Variants in GLT1D1 observed in about 807,000 individuals in gnomAD.
GLT1D1 encodes the protein glycosyltransferase 1 domain containing 1.
A neutral mutation model predicts 28.7 loss-of-function variants in GLT1D1; 21 were observed. The ratio of observed to expected loss-of-function variants is 0.73; its 90% CI spans 0.52 to 1.05. The LOEUF is 1.05. Among genes scored for constraint, GLT1D1 ranks in the 50% least tolerant of loss-of-function variants. The pLI is 0.00. For missense variants in GLT1D1, 343 were observed against 330.6 expected, an observed-to-expected ratio of 1.04 and a Z score of -0.29; for synonymous variants, 147 against 124.8, an observed-to-expected ratio of 1.18 and a Z score of -1.19.
chr12:128,881,403 G>T (rs1212678801), intron 2 of GLT1D1, among the ~76,000 whole-genome samples: 1 of 147,490 alleles, frequency 6.8e-6, no homozygotes, highest in Non-Finnish European at 1.5e-5. Flanking sequence ...CCATGGTGGC[G>T]AGTGCCTGTA....
At chr12:128,979,040 T>C (rs537684238) in intron 7 of GLT1D1, among the ~76,000 whole-genome samples, 21 of 152,326 alleles carry the variant, frequency 1.4e-4, no homozygotes, top group Admixed American at 8.5e-4. Context: ...TATCTCATCC[T>C]GTGACTTAGA....
chr12:128,949,758 A>G (rs1488447417), intron 6 of GLT1D1, among the ~76,000 whole-genome samples: 2 of 151,858 alleles, frequency 1.3e-5, no homozygotes, highest in Non-Finnish European at 2.9e-5. Context: ...ACACACACGC[A>G]CACACACAGG....
chr12:128,967,220 A>G (rs536144), intron 7 of GLT1D1, among the ~76,000 whole-genome samples: 8,832 of 152,292 alleles, frequency 0.058, 842 homozygotes, highest in African/African-American at 0.2. Flanking sequence ...GGCTCTGGCC[A>G]TAGTGTTCTA....
chr12:128,931,917 G>GCACGCGCGCA (rs1368012620), intron 4 of GLT1D1, among the ~76,000 whole-genome samples: 3 of 141,002 alleles, frequency 2.1e-5, no homozygotes, highest in African/African-American at 2.6e-5. Context: ...ACACACGCAC[G>GCACGCGCGCA]CACACACACA....
At chr12:128,908,671 C>T (rs910272019) in intron 4 of GLT1D1, among the ~76,000 whole-genome samples, 22 of 151,818 alleles carry the variant, frequency 1.4e-4, no homozygotes, top group African/African-American at 4.8e-4. Context: ...CACGACAGGC[C>T]GGGCGCGGTG....
At chr12:128,930,042 A>T (rs1320523771) in intron 4 of GLT1D1, among the ~76,000 whole-genome samples, 1 of 152,204 alleles carries the variant, frequency 6.6e-6, no homozygotes, top group Non-Finnish European at 1.5e-5. Context: ...TACCATATGG[A>T]AGATAAATTA....
At chr12:128,924,359 G>A (rs1349015612) in intron 4 of GLT1D1, among the ~76,000 whole-genome samples, 5 of 151,522 alleles carry the variant, frequency 3.3e-5, no homozygotes, top group Non-Finnish European at 7.4e-5. Flanking sequence ...CCGGGGAGGT[G>A]GAGGTTGCAC....
At chr12:128,936,428 A>G (rs1417768748) in intron 4 of GLT1D1, among the ~76,000 whole-genome samples, 1 of 152,210 alleles carries the variant, frequency 6.6e-6, no homozygotes, top group Admixed American at 6.5e-5. Context: ...TGCTGGGATG[A>G]CAGGCGTGAG....
At chr12:128,946,658 T>C (rs1876135004) in intron 5 of GLT1D1, among the ~76,000 whole-genome samples, 2 of 102,934 alleles carry the variant, frequency 1.9e-5, no homozygotes, top group East Asian at 3.0e-4. Flanking sequence ...TTTTTTTTTT[T>C]TTTTTTTTGA....
chr12:128,873,441 T>A (rs376538889), intron 1 of GLT1D1, among the ~76,000 whole-genome samples: 14 of 152,084 alleles, frequency 9.2e-5, no homozygotes, highest in East Asian at 5.8e-4. Context: ...CACGGTGAGG[T>A]AGTTTTTTGG....
intron 7 of GLT1D1, among the ~76,000 whole-genome samples, chr12:128,968,832 A>G (rs1878742951): frequency 6.6e-6 from 1 of 152,012 alleles, no homozygotes; most frequent in Admixed American, 6.6e-5. Flanking sequence ...GGTGGGGTGA[A>G]GAGCTGGGTG....
In GLT1D1 at chr12:128,983,442, AT is replaced by A. The variant is rs1421031761; in HGVS notation, c.*353del. ...AATAGAGGCTTATTTTCAAGCAGTCATGGTTCAGACTCCTCCCGCCTGCCTT... is the reference window on the plus strand; with the variant it reads ...AATAGAGGCTTATTTTCAAGCAGTCAGGTTCAGACTCCTCCCGCCTGCCTT... On this transcript the variant is annotated 3_prime_UTR_variant, in exon 8 of 8. Coordinates refer to ENST00000281703, the MANE Select transcript of GLT1D1 (RefSeq NM_144669.3). The surrounding 1 kb of genome is among the most constrained non-coding windows in gnomAD (Gnocchi z 4.7). The A allele has an allele frequency of 2.5e-5, 5 of 199,016 alleles. No individual in the cohort carries two copies. Among genetic ancestry groups the A allele is most frequent in the Admixed American group, 1.6e-4 (3 of 18,840 alleles). 12.3% of individuals were successfully genotyped at this position (199,016 alleles called of 1,614,324 possible).
At position 128,862,212 on chromosome 12, in the gene GLT1D1, T is replaced by C. The variant is rs532155889; in HGVS notation, c.68+8563T>C. ...GGCATAGTGGTGCATGCCTGTAATC[T>C]CAGCTACTCAGGAGGCTGACACAGG... On this transcript the variant is annotated intron_variant, in intron 1 of 7. Coordinates refer to ENST00000281703, the MANE Select transcript of GLT1D1 (RefSeq NM_144669.3). Among the ~76,000 whole-genome samples the C allele has an allele frequency of 1.9e-4, 29 of 149,932 alleles. No homozygotes were observed. The South Asian group carries it at 5.5e-3, about 28-fold the overall frequency.
intron 7 of GLT1D1, among the ~76,000 whole-genome samples, chr12:128,969,628 G>T (rs73424644): frequency 0.045 from 6,791 of 152,282 alleles, 183 homozygotes; most frequent in Middle Eastern, 0.082. Context: ...AGGTGCGGAG[G>T]CACTCGGGGC....
chr12:128,949,484 A>G (rs1251544006), intron 6 of GLT1D1, among the ~76,000 whole-genome samples: 2 of 152,198 alleles, frequency 1.3e-5, no homozygotes, highest in East Asian at 3.8e-4. Flanking sequence ...TCACTTTTGA[A>G]GGAAGTGACC....
intron 4 of GLT1D1, among the ~76,000 whole-genome samples, chr12:128,921,502 T>C (rs1463575071): frequency 2.0e-5 from 3 of 151,826 alleles, no homozygotes; most frequent in East Asian, 1.9e-4. Flanking sequence ...TCTATGTCTA[T>C]GTATGTGTAT....
intron 2 of GLT1D1, among the ~76,000 whole-genome samples, chr12:128,885,018 G>T (rs1304357705): frequency 2.0e-5 from 3 of 150,974 alleles, no homozygotes; most frequent in Admixed American, 1.3e-4. Flanking sequence ...GCCTCCCAAA[G>T]TGCTGAGATG....
chr12:128,887,421 G>A (rs1209619209), intron 2 of GLT1D1, among the ~76,000 whole-genome samples: 1 of 151,640 alleles, frequency 6.6e-6, no homozygotes, highest in African/African-American at 2.4e-5. Context: ...GTGTGTTTAT[G>A]GCTTTTGTTT....
At chr12:128,962,511 C>T (rs997781587) in intron 7 of GLT1D1, among the ~76,000 whole-genome samples, 1 of 152,082 alleles carries the variant, frequency 6.6e-6, no homozygotes, top group Non-Finnish European at 1.5e-5. Context: ...CTGTGCTGGG[C>T]AGGAGGTTCA....
Sources: gnomAD v4.1 joint callset for allele counts (sites outside exome capture counted in the v4.1 genomes callset) on GRCh38, gnomAD v4.1.1 for gene constraint, Gnocchi (gnomAD v3.1) non-coding constraint, MANE v1.5 for transcripts, NCBI Gene and HGNC (gene_info 2026-07-23, HGNC 2026-07-21) for gene names.